Variants in OR2G6 observed in about 807,000 individuals in gnomAD.
OR2G6 encodes olfactory receptor 2G6.
For synonymous variants in OR2G6, 183 were observed against 155.2 expected, an observed-to-expected ratio of 1.18 and a Z score of -1.33; for missense variants, 457 against 391.3, an observed-to-expected ratio of 1.17 and a Z score of -1.42.
In OR2G6 at chr1:248,526,126, T is replaced by C. The variant is rs1664390128; in HGVS notation, c.*3529T>C. 1 of 151,986 alleles carries C rather than the reference T, an allele frequency of 6.6e-6. No homozygotes were observed. The allele number at this position is 151,986 out of a possible 1,614,324, so 9.4% of individuals were successfully genotyped here. ...AGAAAAATAAACAAGGGTCTTATAA[T>C]AAAAGCAACACAGAATGGCCAAAGC... On this transcript the variant is annotated 3_prime_UTR_variant, in exon 2 of 2. Coordinates refer to ENST00000641804, the MANE Select transcript of OR2G6 (RefSeq NM_001013355.2).
Position 248,521,593 on chromosome 1 carries a change from C to A in OR2G6, c.-36-18C>A. 3.1e-6 allele frequency: 4 copies of A among 1,299,048 alleles called. No homozygotes were observed. Among genetic ancestry groups the A allele is most frequent in the South Asian group, 2.7e-5 (2 of 74,136 alleles). 80.5% of individuals were successfully genotyped at this position (1,299,048 alleles called of 1,614,324 possible). A position where few individuals can be genotyped will look rare whatever the true frequency, so the allele number is the denominator to read the frequency against. On this transcript the variant is annotated intron_variant, in intron 1 of 1. Coordinates refer to ENST00000641804, the MANE Select transcript of OR2G6 (RefSeq NM_001013355.2). Reference sequence around the variant, plus strand: ...TCTTGACCTCATTACTTTCTATCCCCAAATATTAATCACTTAGTATTTGAA... The same window carrying A: ...TCTTGACCTCATTACTTTCTATCCCAAAATATTAATCACTTAGTATTTGAA...
In OR2G6 at chr1:248,524,762, AATC is replaced by A. The variant is rs1572069503; in HGVS notation, c.*2167_*2169del. 6.6e-6 allele frequency: 1 copy of A among 152,358 alleles called. No homozygotes were observed. Among genetic ancestry groups the A allele is most frequent in the East Asian group, 1.9e-4 (1 of 5,192 alleles). The allele number at this position is 152,358 out of a possible 1,614,324, so 9.4% of individuals were successfully genotyped here. Reference sequence around the variant, plus strand: ...GGAATACAAATCCCACTGAAAATAAAATCAAATTATTACTGTATACAATAAATT... The same window carrying A: ...GGAATACAAATCCCACTGAAAATAAAAAATTATTACTGTATACAATAAATT... On this transcript the variant is annotated 3_prime_UTR_variant, in exon 2 of 2. Transcript: ENST00000641804.
chr1:248,522,306 TATCA>T lies in OR2G6; in HGVS notation c.661_664del (p.Ile221LeufsTer5), dbSNP rs1664308050. 2.5e-6 allele frequency: 4 copies of T among 1,614,222 alleles called. No individual in the cohort carries two copies. Among genetic ancestry groups the T allele is most frequent in the Non-Finnish European group, 3.4e-6 (4 of 1,180,032 alleles). On this transcript the variant is annotated frameshift_variant, in exon 2 of 2. Transcript: ENST00000641804. LOFTEE classifies it low-confidence loss of function (END_TRUNC). ...TACTCATCTTAGTCTCCTATGGCTT[TATCA>T]CTCAAGCTGTGTTAAGGATAAAATC...
chr1:248,522,300 T>C lies in OR2G6; in HGVS notation c.654T>C (p.Tyr218=). 2 of 1,614,210 alleles carry C rather than the reference T, an allele frequency of 1.2e-6. No individual in the cohort carries two copies. The highest frequency in any genetic ancestry group is 1.7e-6 in the Non-Finnish European group (2 of 1,180,036). Residue 218 remains tyrosine (Y), a synonymous_variant, in exon 2 of 2, where the codon TAT becomes TAC. Coordinates refer to ENST00000641804, the MANE Select transcript of OR2G6 (RefSeq NM_001013355.2). ...CGGTGTTACTCATCTTAGTCTCCTA[T>C]GGCTTTATCACTCAAGCTGTGTTAA... ...IVPVLLILVS[Y]GFITQAVLRI...
chr1:248,522,980 A>C lies in OR2G6; in HGVS notation c.*383A>C, dbSNP rs929543345. 1 of 180,976 alleles carries C rather than the reference A, an allele frequency of 5.5e-6. No homozygotes were observed. Among genetic ancestry groups the C allele is most frequent in the African/African-American group, 2.4e-5 (1 of 42,128 alleles). 11.2% of individuals were successfully genotyped at this position (180,976 alleles called of 1,614,324 possible). On this transcript the variant is annotated 3_prime_UTR_variant, in exon 2 of 2. Transcript: ENST00000641804. ...TCCTTCTAATGTGCCAGCCCATCTG[A>C]TAGACTTCTACTAATGCTTCAAAAC... is the stretch of plus-strand genomic sequence containing the variant.
In OR2G6 at chr1:248,526,263, C is replaced by T. The variant is rs1291141238; in HGVS notation, c.*3666C>T. On this transcript the variant is annotated 3_prime_UTR_variant, in exon 2 of 2. Transcript: ENST00000641804. ...CCTGGTATTGGCATAAAAACAGACA[C>T]ATGGGCCAATAGAACAGAATGGAGA... is the stretch of plus-strand genomic sequence containing the variant. 6.6e-6 allele frequency: 1 copy of T among 152,110 alleles called. No homozygotes were observed. The highest frequency in any genetic ancestry group is 1.5e-5 in the Non-Finnish European group (1 of 68,036). The allele number at this position is 152,110 out of a possible 1,614,324, so 9.4% of individuals were successfully genotyped here. A position where few individuals can be genotyped will look rare whatever the true frequency, so the allele number is the denominator to read the frequency against.
At chr1:248,520,073 A>G (rs1383970751) in intron 1 of OR2G6, among the ~76,000 whole-genome samples, 1 of 152,156 alleles carries the variant, frequency 6.6e-6, no homozygotes, top group Non-Finnish European at 1.5e-5. Flanking sequence ...GCACATATAC[A>G]CCATGGAATA....
intron 1 of OR2G6, among the ~76,000 whole-genome samples, chr1:248,520,081 A>G (rs943561054): frequency 7.9e-5 from 12 of 152,198 alleles, no homozygotes; most frequent in Admixed American, 4.6e-4. Context: ...ACACCATGGA[A>G]TACTATGCAG....
Position 248,522,070 on chromosome 1 carries a change from G to A in OR2G6, c.424G>A (p.Ala142Thr). The A allele has an allele frequency of 1.2e-6, 2 of 1,614,148 alleles. No homozygotes were observed. Among genetic ancestry groups the A allele is most frequent in the Non-Finnish European group, 1.7e-6 (2 of 1,180,036 alleles). ...YIAIMHPRFC[A>T]SLAGGAWLSG... is the part of the protein sequence containing the mutation. ...AGCCATTATGCACCCCAGGTTCTGT[G>A]CGTCTCTGGCCGGTGGAGCATGGCT... is the stretch of plus-strand genomic sequence containing the variant. The change falls in exon 2 of 2, where the codon GCG (alanine) becomes ACG (threonine). Residue 142 changes from alanine (A) to threonine (T), a missense_variant. Transcript: ENST00000641804.
chr1:248,520,723 A>C (rs984599720), intron 1 of OR2G6, among the ~76,000 whole-genome samples: 1 of 151,904 alleles, frequency 6.6e-6, no homozygotes, highest in Non-Finnish European at 1.5e-5. Flanking sequence ...AATTACAAAA[A>C]TTAGGCCAGG....
rs1356274185 is a variant in OR2G6, at chr1:248,526,078, A to AGACAGGGAAAATAAAAGT, written c.*3482_*3499dup. 1 of 152,188 alleles carries AGACAGGGAAAATAAAAGT rather than the reference A, an allele frequency of 6.6e-6. No homozygotes were observed. Among genetic ancestry groups the AGACAGGGAAAATAAAAGT allele is most frequent in the Non-Finnish European group, 1.5e-5 (1 of 68,044 alleles). 9.4% of individuals were successfully genotyped at this position (152,188 alleles called of 1,614,324 possible). On this transcript the variant is annotated 3_prime_UTR_variant, in exon 2 of 2. Transcript: ENST00000641804. ...TGGTCTCATTTGAGTATGAATGATC[A>AGACAGGGAAAATAAAAGT]GACAGGGAAAATAAAAGTACCAAGA...
rs1378956840 is a variant in OR2G6, at chr1:248,521,807, G to GACTCCAC, written c.168_174dup (p.Met59HisfsTer31). On this transcript the variant is annotated frameshift_variant, in exon 2 of 2. Transcript: ENST00000641804. LOFTEE classifies it low-confidence loss of function (END_TRUNC). ...ATACTAGTATGTTGTCTGGACTCCA[G>GACTCCAC]ACTCCACACTCCAATGTACTTCTTC... 2 of 1,613,976 alleles carry GACTCCAC rather than the reference G, an allele frequency of 1.2e-6. No individual in the cohort carries two copies. Among genetic ancestry groups the GACTCCAC allele is most frequent in the Non-Finnish European group, 1.7e-6 (2 of 1,180,006 alleles).
rs781391289 is a variant in OR2G6 at position 248,521,960 on chromosome 1, T to TG, written c.318dup (p.Leu107ValfsTer5). 2 of 1,614,040 alleles carry TG rather than the reference T, an allele frequency of 1.2e-6. No homozygotes were observed. The highest frequency in any genetic ancestry group is 1.7e-6 in the Non-Finnish European group (2 of 1,180,026). ...TGTGTGGCCCAGCTCTATGTGGCCA[T>TG]GGGGTTGGGCTCGTCTGAGTGTATT... is the stretch of plus-strand genomic sequence containing the variant. On this transcript the variant is annotated frameshift_variant, in exon 2 of 2. Coordinates refer to ENST00000641804, the MANE Select transcript of OR2G6 (RefSeq NM_001013355.2). LOFTEE classifies it low-confidence loss of function (END_TRUNC).
At chr1:248,520,842 T>G (rs1664266872) in intron 1 of OR2G6, among the ~76,000 whole-genome samples, 1 of 136,768 alleles carries the variant, frequency 7.3e-6, no homozygotes, top group African/African-American at 2.9e-5. Context: ...AACCCCCATC[T>G]CTACTAAAAA....
In OR2G6 at chr1:248,522,935, A is replaced by AG. The variant is rs370532363; in HGVS notation, c.*340dup. ...TTTGTCCTTCATCCACCTGCCATCAAGGTTCATGTATCCATTATTTCCTTC... is the reference window on the plus strand; with the variant it reads ...TTTGTCCTTCATCCACCTGCCATCAAGGGTTCATGTATCCATTATTTCCTTC... On this transcript the variant is annotated 3_prime_UTR_variant, in exon 2 of 2. Transcript: ENST00000641804. The AG allele has an allele frequency of 8.1e-4, 186 of 229,948 alleles. No individual in the cohort carries two copies. Among genetic ancestry groups the AG allele is most frequent in the African/African-American group, 3.8e-3 (169 of 44,048 alleles). 14.2% of individuals were successfully genotyped at this position (229,948 alleles called of 1,614,324 possible).
intron 1 of OR2G6, among the ~76,000 whole-genome samples, chr1:248,520,912 C>T (rs1222827499): frequency 3.4e-5 from 5 of 149,064 alleles, no homozygotes; most frequent in African/African-American, 1.2e-4. Flanking sequence ...GGGCATGGGG[C>T]CTGTGCCTGT....
Position 248,524,985 on chromosome 1 carries a change from A to C in OR2G6, c.*2388A>C, listed in dbSNP as rs1664364347. ...TAAAATCCTGTTACTACTTTCTTGA[A>C]TTTAGAGCTTTCCTATGATATGGAT... On this transcript the variant is annotated 3_prime_UTR_variant, in exon 2 of 2. Transcript: ENST00000641804. The C allele has an allele frequency of 6.6e-6, 1 of 152,154 alleles. No homozygotes were observed. Among genetic ancestry groups the C allele is most frequent in the South Asian group, 2.1e-4 (1 of 4,824 alleles). 9.4% of individuals were successfully genotyped at this position (152,154 alleles called of 1,614,324 possible).
Position 248,521,637 on chromosome 1 carries a change from T to G in OR2G6, c.-10T>G. On this transcript the variant is annotated 5_prime_UTR_variant, in exon 2 of 2. Transcript: ENST00000641804. ...ATTTGAAGCTGAAGAGTCCTGAAGC[T>G]GCAGGAAAAATGGAGGAAACCAACA... The G allele has an allele frequency of 6.3e-7, 1 of 1,599,780 alleles. No individual in the cohort carries two copies.
At chr1:248,521,220 CA>C (rs1343357978) in intron 1 of OR2G6, among the ~76,000 whole-genome samples, 3 of 151,570 alleles carry the variant, frequency 2.0e-5, no homozygotes, top group Non-Finnish European at 2.9e-5. Context: ...GACTCCATCT[CA>C]AAAAATATAT....
Sources: allele counts gnomAD v4.1 joint callset (sites outside exome capture counted in the v4.1 genomes callset), GRCh38; gene constraint gnomAD v4.1.1; transcripts MANE v1.5; gene names NCBI Gene and HGNC (gene_info 2026-07-23, HGNC 2026-07-21).